The following SLC4A4 variants were observed in gnomAD, a reference collection of about 807,000 sequenced individuals.
The protein encoded by SLC4A4 is solute carrier family 4 member 4, also known as electrogenic sodium bicarbonate cotransporter 1.
In SLC4A4, 27 loss-of-function variants were observed where a neutral mutation model predicts 111.5. That is an observed-to-expected ratio of 0.24 (90% CI 0.18 to 0.33). The LOEUF (loss-of-function observed/expected upper bound fraction) is 0.33, where lower values mean the gene tolerates loss of function less well. Among genes scored for constraint, SLC4A4 ranks in the 10% least tolerant of loss-of-function variants. The pLI, the probability that SLC4A4 is intolerant of heterozygous loss-of-function variation, is 1.00. For missense variants in SLC4A4, 909 were observed against 1,315.5 expected (o/e 0.69, Z 4.78); for synonymous variants, 443 against 463.4 (o/e 0.96, Z 0.57).
intron 6 of SLC4A4, among the ~76,000 whole-genome samples, chr4:71,393,763 T>C (rs1378081130): frequency 4.6e-5 from 7 of 152,114 alleles, no homozygotes; most frequent in Non-Finnish European, 1.0e-4. Flanking sequence ...TTTCAAACTA[T>C]ATTAAAAGGT....
intron 1 of SLC4A4, among the ~76,000 whole-genome samples, chr4:71,222,588 G>C (rs1372648509): frequency 6.6e-6 from 1 of 152,178 alleles, no homozygotes; most frequent in South Asian, 2.1e-4. Flanking sequence ...AAATGAATGA[G>C]TAAATGAATT....
intron 2 of SLC4A4, among the ~76,000 whole-genome samples, chr4:71,116,893 A>G (rs1743282661): frequency 6.6e-6 from 1 of 152,100 alleles, no homozygotes; most frequent in South Asian, 2.1e-4. Context: ...CGGTGAGCCA[A>G]GACTGAGCCA....
At chr4:71,174,960 G>A (rs1745043881) in intron 2 of SLC4A4, among the ~76,000 whole-genome samples, 1 of 152,118 alleles carries the variant, frequency 6.6e-6, no homozygotes, top group Admixed American at 6.5e-5. Context: ...AATACTTTTG[G>A]CACCGAACAA....
At chr4:71,517,630 C>G (rs1732530265) in intron 16 of SLC4A4, among the ~76,000 whole-genome samples, 1 of 152,000 alleles carries the variant, frequency 6.6e-6, no homozygotes, top group Admixed American at 6.6e-5. Flanking sequence ...GGGATGATTA[C>G]TGGGGCTTTA....
intron 7 of SLC4A4, among the ~76,000 whole-genome samples, chr4:71,411,829 T>A (rs1287157961): frequency 2.0e-5 from 3 of 152,170 alleles, no homozygotes; most frequent in African/African-American, 4.8e-5. Context: ...TAATGTGGCA[T>A]CTATAGGGCC....
chr4:71,487,066 T>C (rs200991898), intron 15 of SLC4A4, 48 bp downstream of exon 15: 91 of 1,061,844 alleles, frequency 8.6e-5, no homozygotes, highest in Non-Finnish European at 1.3e-4. Context: ...CTGCATATTG[T>C]ATACTTGTTT....
Position 71,301,212 on chromosome 4 carries a change from C to G in SLC4A4, c.254-38158C>G, listed in dbSNP as rs1358488995. On this transcript the variant is annotated intron_variant, in intron 3 of 25. Transcript: ENST00000264485. ...CATACCCACACCAGACCTTGGGTGG[C>G]TGGTGTAGTTAGCAAGGGGAGTGGG... is the stretch of plus-strand genomic sequence containing the variant. The G allele has an allele frequency of 2.9e-5, 7 of 241,560 alleles. No individual in the cohort carries two copies. The Admixed American group carries it at 3.6e-4, about 12-fold the overall frequency. 15.0% of individuals were successfully genotyped at this position (241,560 alleles called of 1,614,324 possible). A position where few individuals can be genotyped will look rare whatever the true frequency, so the allele number is the denominator to read the frequency against.
At chr4:71,101,735 A>G (rs1303368211) in intron 2 of SLC4A4, among the ~76,000 whole-genome samples, 1 of 152,180 alleles carries the variant, frequency 6.6e-6, no homozygotes. Flanking sequence ...GAAAACTAAC[A>G]AACAGAAAGG....
intron 18 of SLC4A4, among the ~76,000 whole-genome samples, chr4:71,536,449 C>CATATATACATATATATAT (rs1424582409): frequency 1.9e-3 from 9 of 4,848 alleles, no homozygotes; most frequent in South Asian, 0.024. Context: ...AGCATATATA[C>CATATATACATATATATAT]ATATATACAT....
chr4:71,269,795 G>A lies in SLC4A4; in HGVS notation c.253+14396G>A, dbSNP rs577505671. On this transcript the variant is annotated intron_variant, in intron 3 of 25. Transcript: ENST00000264485. Reference sequence around the variant, plus strand: ...TTTGTTAAAAAACTATTATACAGTGGTTAAGACCATAGGTTTGGAATCGTA... The same window carrying A: ...TTTGTTAAAAAACTATTATACAGTGATTAAGACCATAGGTTTGGAATCGTA... Among the ~76,000 whole-genome samples the A allele has an allele frequency of 2.0e-5, 3 of 152,232 alleles. No homozygotes were observed. In the East Asian group the frequency reaches 5.8e-4, roughly 29 times the overall value.
At chr4:71,135,586 G>A (rs954363011) in intron 2 of SLC4A4, among the ~76,000 whole-genome samples, 6 of 152,064 alleles carry the variant, frequency 3.9e-5, no homozygotes, top group South Asian at 2.1e-4. Context: ...GTGAGCCACC[G>A]TGCCCGGCTC....
intron 7 of SLC4A4, among the ~76,000 whole-genome samples, chr4:71,438,715 A>G (rs1577904046): frequency 6.6e-6 from 1 of 152,128 alleles, no homozygotes; most frequent in South Asian, 2.1e-4. Flanking sequence ...TCAAAATCAA[A>G]TATCTGCCTC....
chr4:71,443,083 A>ACTCT (rs1180993467), intron 8 of SLC4A4, among the ~76,000 whole-genome samples: 1,144 of 31,262 alleles, frequency 0.037, 67 homozygotes, highest in Middle Eastern at 0.12. Context: ...AGAGGCCACT[A>ACTCT]CTCTCTCTCT....
At chr4:71,201,880 A>G (rs186965099) in intron 1 of SLC4A4, among the ~76,000 whole-genome samples, 5 of 152,338 alleles carry the variant, frequency 3.3e-5, no homozygotes, top group Non-Finnish European at 7.3e-5. Context: ...ACTGATGATG[A>G]CATTTGAAGG....
At chr4:71,153,066 A>T (rs1025733023) in intron 2 of SLC4A4, among the ~76,000 whole-genome samples, 1 of 142,900 alleles carries the variant, frequency 7.0e-6, no homozygotes, top group Non-Finnish European at 1.6e-5. Context: ...AATAAAAGGA[A>T]GTTTATTAAG....
At chr4:71,448,155 A>G (rs1436527535) in intron 9 of SLC4A4, among the ~76,000 whole-genome samples, 3 of 151,964 alleles carry the variant, frequency 2.0e-5, no homozygotes, top group Non-Finnish European at 4.4e-5. Flanking sequence ...ACCCGTTTCT[A>G]CTAAAAATAA....
At chr4:71,390,834 T>C (rs1047426410) in intron 6 of SLC4A4, among the ~76,000 whole-genome samples, 8 of 152,148 alleles carry the variant, frequency 5.3e-5, no homozygotes, top group African/African-American at 1.9e-4. Context: ...GTTTACATTA[T>C]GGTTTTACCA....
At chr4:71,095,039 CA>C (rs1477760247) in intron 2 of SLC4A4, among the ~76,000 whole-genome samples, 1 of 152,152 alleles carries the variant, frequency 6.6e-6, no homozygotes. Flanking sequence ...TAGTTTTAAA[CA>C]CTATACAACA....
intron 2 of SLC4A4, among the ~76,000 whole-genome samples, chr4:71,111,524 G>GTTTTTTTTT (rs150777420): frequency 8.2e-5 from 5 of 60,782 alleles, no homozygotes; most frequent in Non-Finnish European, 1.1e-4. Flanking sequence ...CCACGCTCAG[G>GTTTTTTTTT]TTTTTTTTTT....
Sources: allele counts gnomAD v4.1 joint callset (sites outside exome capture counted in the v4.1 genomes callset), GRCh38; gene constraint gnomAD v4.1.1; transcripts MANE v1.5; gene names NCBI Gene and HGNC (gene_info 2026-07-23, HGNC 2026-07-21).